Variants in RHPN1 observed in about 807,000 individuals in gnomAD.
RHPN1 encodes the protein rhophilin-1.
RHPN1 carries 77 observed loss-of-function variants against 74.7 expected under a neutral mutation model. The observed-to-expected ratio is 1.03, with a 90% CI of 0.86 to 1.25. The LOEUF (loss-of-function observed/expected upper bound fraction) is 1.25, where lower values mean the gene tolerates loss of function less well. RHPN1 is among the 50% of genes most tolerant of loss of function. RHPN1 has a pLI of 0.00. For missense variants in RHPN1, 987 were observed against 932.2 expected, an observed-to-expected ratio of 1.06 and a Z score of -0.77; for synonymous variants, 444 against 414.5, an observed-to-expected ratio of 1.07 and a Z score of -0.87.
rs1818536246 is a variant in RHPN1 at position 143,379,404 on chromosome 8, A to G, written c.841A>G (p.Met281Val). 1.9e-6 allele frequency: 3 copies of G among 1,590,564 alleles called. No individual in the cohort carries two copies. In the African/African-American group the frequency reaches 4.0e-5, roughly 21 times the overall value. Residue 281 changes from methionine to valine, a missense_variant, in exon 8 of 15, where the codon ATG becomes GTG. Met to Val is a conservative substitution (Grantham distance 21, BLOSUM62 1). Coordinates refer to ENST00000289013, the MANE Select transcript of RHPN1 (RefSeq NM_052924.3). ...CCTCTGCGCACTGGAGCAGCTCATG[A>G]TGGCCCAGGCCCAGGAATGTGTGTT... ...ASLCALEQLM[M>V]AQAQECVFEG...
chr8:143,382,849 C>A lies in RHPN1; in HGVS notation c.*198C>A, dbSNP rs1818836193. The A allele has an allele frequency of 1.7e-6, 1 of 592,900 alleles. No homozygotes were observed. The highest frequency in any genetic ancestry group is 3.0e-6 in the Non-Finnish European group (1 of 333,548). 36.7% of individuals were successfully genotyped at this position (592,900 alleles called of 1,614,324 possible). On this transcript the variant is annotated 3_prime_UTR_variant, in exon 15 of 15. Transcript: ENST00000289013. ...GGGAGCTGTGGCCTCTTCACCCACA[C>A]ACAGAAGGATGCCAGTCCCTCTGTC...
In RHPN1 at chr8:143,379,924, G is replaced by A. The variant is rs371033148; in HGVS notation, c.1041G>A (p.Lys347=). 111 of 1,597,532 alleles carry A rather than the reference G, an allele frequency of 6.9e-5. No individual in the cohort carries two copies. Among genetic ancestry groups the A allele is most frequent in the Non-Finnish European group, 9.4e-5 (110 of 1,172,864 alleles). ...CCTGGACTGCCCTGGTGCATGTCAA[G>A]GCCGAGTACTTCCGCTCCCTGGCCC... The part of the protein sequence containing the change: ...PVSWTALVHV[K]AEYFRSLAHY... The change falls in exon 9 of 15, where the codon AAG becomes AAA. Residue 347 remains lysine (K), a synonymous_variant. Coordinates refer to ENST00000289013, the MANE Select transcript of RHPN1 (RefSeq NM_052924.3).
At chr8:143,367,237 C>T (rs1817576458), upstream of RHPN1, 1 of 152,174 alleles carries the variant, frequency 6.6e-6, no homozygotes, top group Non-Finnish European at 1.5e-5. Flanking sequence ...TCCCTGTAAT[C>T]CAGCACTTTT....
intron 14 of RHPN1, 74 bp from the exon 15 acceptor site, chr8:143,382,362 C>A: frequency 1.5e-6 from 2 of 1,364,246 alleles, no homozygotes; most frequent in Non-Finnish European, 2.0e-6. Context: ...GTGGTTCTCA[C>A]CCCTCCCAGA....
rs1013763344 is a variant in RHPN1 at position 143,376,798 on chromosome 8, ATGTC to A, written c.305+149_305+152del. ...TGCGTGTGTGCATGTGTGTGCATGC[ATGTC>A]TGTGCGCGTGTGTCTGTGTGCATGT... On this transcript the variant is annotated intron_variant, in intron 3 of 14. Coordinates refer to ENST00000289013, the MANE Select transcript of RHPN1 (RefSeq NM_052924.3). 17 of 944,072 alleles carry A rather than the reference ATGTC, an allele frequency of 1.8e-5. No homozygotes were observed. The African/African-American group carries it at 3.2e-4, about 18-fold the overall frequency. 58.5% of individuals were successfully genotyped at this position (944,072 alleles called of 1,614,324 possible).
chr8:143,378,356 T>TCCCCACCCC lies in RHPN1; in HGVS notation c.459+14_459+15insACCCCCCCC. ...GGAGGCCCTGCGGCAGGTGTGTGGT[T>TCCCCACCCC]CCCCCGCCCACCCACCCTCCTGCAG... On this transcript the variant is annotated intron_variant, in intron 5 of 14. Coordinates refer to ENST00000289013, the MANE Select transcript of RHPN1 (RefSeq NM_052924.3). The TCCCCACCCC allele has an allele frequency of 2.0e-6, 3 of 1,525,436 alleles. No individual in the cohort carries two copies. Among genetic ancestry groups the TCCCCACCCC allele is most frequent in the Non-Finnish European group, 2.6e-6 (3 of 1,136,348 alleles). The allele number at this position is 1,525,436 out of a possible 1,614,324, so 94.5% of individuals were successfully genotyped here.
chr8:143,364,271 T>C (rs1423973054), upstream of RHPN1, among the ~76,000 whole-genome samples: 1 of 152,218 alleles, frequency 6.6e-6, no homozygotes, highest in Non-Finnish European at 1.5e-5. This position sits in a 1 kb window ranked among gnomAD's most constrained non-coding sequence, Gnocchi z 4.5. Flanking sequence ...CCATATCCTT[T>C]TCTTTTTATT....
In RHPN1 at chr8:143,379,068, G is replaced by T; in HGVS notation, c.741G>T (p.Gln247His). 6.6e-7 allele frequency: 1 copy of T among 1,522,564 alleles called. No homozygotes were observed. The highest frequency in any genetic ancestry group is 1.2e-5 in the South Asian group (1 of 81,378). 94.3% of individuals were successfully genotyped at this position (1,522,564 alleles called of 1,614,324 possible). Residue 247 changes from glutamine (Q) to histidine (H), a missense_variant, in exon 7 of 15, where the codon CAG (glutamine) becomes CAT (histidine). Physicochemically the swap from Gln to His is conservative, Grantham distance 24 (BLOSUM62 0). Transcript: ENST00000289013. ...CCCGCCGCGCTATGGAGGCCTTCCA[G>T]AGGGCCGCTGGTGAGGGCGGCCCGG... ...EGARRAMEAFQRAAGAFSLLR... is the reference protein window; with the variant it reads ...EGARRAMEAFHRAAGAFSLLR...
At chr8:143,382,018 C>T (rs755895580) in intron 14 of RHPN1, 50 bp downstream of exon 14, 6 of 1,498,334 alleles carry the variant, frequency 4.0e-6, no homozygotes, top group Admixed American at 2.2e-5. Flanking sequence ...CTGTCACCAC[C>T]CTGGCCCTGG....
At chr8:143,375,417 G>A (rs1264237908) in intron 1 of RHPN1, 136 bp from the exon 2 acceptor site, 4 of 598,278 alleles carry the variant, frequency 6.7e-6, no homozygotes, top group Non-Finnish European at 1.1e-5. Flanking sequence ...CTCCCTGTGA[G>A]GCCAGCTCCA....
intron 14 of RHPN1, 119 bp downstream of exon 14, chr8:143,382,087 C>A: frequency 2.0e-6 from 2 of 1,010,122 alleles, no homozygotes; most frequent in Non-Finnish European, 2.8e-6. Flanking sequence ...AGGTAACCCT[C>A]CCTGGGCCGC....
chr8:143,378,608 T>G, intron 5 of RHPN1, 88 bp from the exon 6 acceptor site: 15 of 1,469,760 alleles, frequency 1.0e-5, no homozygotes, highest in Non-Finnish European at 1.4e-5. Context: ...CCGCCCCCCA[T>G]GGTGCTGGTG....
rs1330217897 is a variant in RHPN1, at chr8:143,383,880, C to T, written c.*1229C>T. The T allele has an allele frequency of 2.0e-5, 3 of 152,384 alleles. No individual in the cohort carries two copies. The highest frequency in any genetic ancestry group is 7.2e-5 in the African/African-American group (3 of 41,462). 9.4% of individuals were successfully genotyped at this position (152,384 alleles called of 1,614,324 possible). On this transcript the variant is annotated 3_prime_UTR_variant, in exon 15 of 15. Coordinates refer to ENST00000289013, the MANE Select transcript of RHPN1 (RefSeq NM_052924.3). ...GCCCCCAGCTCTGCGAGACCCCTGC[C>T]CTCTTGTCCAGTCCCTTCCGAGGGT...
chr8:143,379,717 T>TG (rs781571360), intron 8 of RHPN1, 112 bp from the exon 9 acceptor site: 54 of 1,461,694 alleles, frequency 3.7e-5, no homozygotes, highest in Non-Finnish European at 4.6e-5. Context: ...GGAACTGAGG[T>TG]GCCAGGGAGG....
Position 143,381,797 on chromosome 8 carries a change from C to A in RHPN1, c.1636-10C>A. On this transcript the variant is annotated splice_polypyrimidine_tract_variant and intron_variant, in intron 13 of 14. Transcript: ENST00000289013. The stretch of plus-strand genomic sequence containing the variant: ...CCTGTCCCCACCTCACCGTCCAAGT[C>A]TCCCCACAGGCGGCTGGCCTGAAGG... The A allele has an allele frequency of 6.2e-7, 1 of 1,611,150 alleles. No homozygotes were observed. The highest frequency in any genetic ancestry group is 8.5e-7 in the Non-Finnish European group (1 of 1,178,976).
In RHPN1 at chr8:143,382,834, G is replaced by T. The variant is rs1284443197; in HGVS notation, c.*183G>T. 8 of 601,724 alleles carry T rather than the reference G, an allele frequency of 1.3e-5. No individual in the cohort carries two copies. Among genetic ancestry groups the T allele is most frequent in the Non-Finnish European group, 1.8e-5 (6 of 339,910 alleles). The allele number at this position is 601,724 out of a possible 1,614,324, so 37.3% of individuals were successfully genotyped here. A position where few individuals can be genotyped will look rare whatever the true frequency, so the allele number is the denominator to read the frequency against. On this transcript the variant is annotated 3_prime_UTR_variant, in exon 15 of 15. Coordinates refer to ENST00000289013, the MANE Select transcript of RHPN1 (RefSeq NM_052924.3). ...TCTGAGCCCAGTGATGGGAGCTGTG[G>T]CCTCTTCACCCACACACAGAAGGAT...
At position 143,379,834 on chromosome 8, in the gene RHPN1, A is replaced by G. The variant is rs1317890628; in HGVS notation, c.951A>G (p.Ala317=). 2.5e-6 allele frequency: 4 copies of G among 1,607,700 alleles called. No homozygotes were observed. The highest frequency in any genetic ancestry group is 3.4e-6 in the Non-Finnish European group (4 of 1,177,408). ...LRLAQEAAQV[A]AEYRLVHRTM... ...CCTGCCACATCCACCGGCAGGTGGC[A>G]GCCGAGTACAGGCTAGTGCACCGGA... Residue 317 remains alanine, a synonymous_variant, in exon 9 of 15, where the codon GCA becomes GCG. Transcript: ENST00000289013.
Position 143,382,979 on chromosome 8 carries a change from T to C in RHPN1, c.*328T>C. The C allele has an allele frequency of 2.9e-6, 1 of 349,760 alleles. No homozygotes were observed. Among genetic ancestry groups the C allele is most frequent in the Non-Finnish European group, 5.3e-6 (1 of 187,992 alleles). 21.7% of individuals were successfully genotyped at this position (349,760 alleles called of 1,614,324 possible). On this transcript the variant is annotated 3_prime_UTR_variant, in exon 15 of 15. Transcript: ENST00000289013. ...CCCCGGGCTCTGTCCACCCTGCTGC[T>C]GCCCTGGGCACAGACCCTGAGGTCT...
At position 143,381,825 on chromosome 8, in the gene RHPN1, G is replaced by T; in HGVS notation, c.1654G>T (p.Gly552Cys). 1 of 1,612,912 alleles carries T rather than the reference G, an allele frequency of 6.2e-7. No individual in the cohort carries two copies. Residue 552 changes from glycine (G) to cysteine (C), a missense_variant, in exon 14 of 15, where the codon GGC (glycine) becomes TGC (cysteine). Gly to Cys is a radical substitution (Grantham distance 159, BLOSUM62 -3). Coordinates refer to ENST00000289013, the MANE Select transcript of RHPN1 (RefSeq NM_052924.3). ...CCCACAGGCGGCTGGCCTGAAGGAGGGCGACTACATTGTGTCAGTGAATGG... is the reference window on the plus strand; with the variant it reads ...CCCACAGGCGGCTGGCCTGAAGGAGTGCGACTACATTGTGTCAGTGAATGG... ...SQAAAAGLKE[G>C]DYIVSVNGQP...
Sources: gnomAD v4.1 joint callset for allele counts (sites outside exome capture counted in the v4.1 genomes callset) on GRCh38, gnomAD v4.1.1 for gene constraint, Gnocchi (gnomAD v3.1) non-coding constraint, MANE v1.5 for transcripts, NCBI Gene and HGNC (gene_info 2026-07-23, HGNC 2026-07-21) for gene names.